The following PRKAR1B variants were observed in gnomAD, a reference collection of about 807,000 sequenced individuals.
PRKAR1B encodes the protein cAMP-dependent protein kinase type I-beta regulatory subunit.
Under a neutral mutation model 46.5 loss-of-function variants are expected in PRKAR1B, and 22 were observed. The observed-to-expected ratio is 0.47, with a 90% confidence interval of 0.34 to 0.68. PRKAR1B has a LOEUF of 0.68. PRKAR1B is among the 30% of genes least tolerant of loss of function. The pLI is 0.01. For synonymous variants in PRKAR1B, 259 were observed against 217.7 expected, an observed-to-expected ratio of 1.19 and a Z score of -1.67; for missense variants, 445 against 535.6, an observed-to-expected ratio of 0.83 and a Z score of 1.67.
intron 9 of PRKAR1B, among the ~76,000 whole-genome samples, chr7:561,545 G>A (rs940350911): frequency 2.0e-5 from 3 of 152,124 alleles, no homozygotes; most frequent in Admixed American, 6.5e-5. Context: ...GGAGGTGACC[G>A]AGCTGTCCCT....
In PRKAR1B at chr7:706,292, C is replaced by T. The variant is rs927906659; in HGVS notation, c.177+5037G>A. 4.6e-5 allele frequency among the ~76,000 whole-genome samples: 7 copies of T among 152,140 alleles called. No individual in the cohort carries two copies. The South Asian group carries it at 1.2e-3, about 27-fold the overall frequency. On this transcript the variant is annotated intron_variant, in intron 2 of 10. Coordinates refer to ENST00000537384, the MANE Select transcript of PRKAR1B (RefSeq NM_001164760.2). Reference sequence around the variant, plus strand: ...AGTGAGCTGAAATCATACCACTGTACTCTAGCCTGGACAACAGAGCCAGAC... The same window carrying T: ...AGTGAGCTGAAATCATACCACTGTATTCTAGCCTGGACAACAGAGCCAGAC...
chr7:604,940 C>G (rs1011510632), intron 6 of PRKAR1B, among the ~76,000 whole-genome samples: 1 of 152,138 alleles, frequency 6.6e-6, no homozygotes, highest in African/African-American at 2.4e-5. Context: ...GTGACCGTCT[C>G]GGGTAGCAGA....
chr7:681,791 T>G (rs761072678), intron 2 of PRKAR1B, among the ~76,000 whole-genome samples: 1 of 152,232 alleles, frequency 6.6e-6, no homozygotes, highest in Non-Finnish European at 1.5e-5. Flanking sequence ...CTAAACCTCA[T>G]GCATCCGGCA....
chr7:718,627 G>C (rs954498778), intron 1 of PRKAR1B, among the ~76,000 whole-genome samples: 2 of 151,958 alleles, frequency 1.3e-5, no homozygotes, highest in Non-Finnish European at 2.9e-5. Context: ...AAAGTGCTGG[G>C]ATTATAGACG....
At chr7:566,552 T>TCACCATCGCCTCCACCATCACTATCAC (rs1562523766) in intron 9 of PRKAR1B, among the ~76,000 whole-genome samples, 10 of 34,530 alleles carry the variant, frequency 2.9e-4, no homozygotes, top group East Asian at 1.7e-3. Context: ...ATCACCATCA[T>TCACCATCGCCTCCACCATCACTATCAC]TGTCATCACC....
chr7:606,376 A>C, intron 5 of PRKAR1B, 137 bp from the exon 6 acceptor site: 1 of 637,474 alleles, frequency 1.6e-6, no homozygotes, highest in Non-Finnish European at 2.7e-6. Flanking sequence ...ATTCTTTTTA[A>C]TGACAAGATT....
At chr7:614,154 T>G (rs548137502) in intron 4 of PRKAR1B, among the ~76,000 whole-genome samples, 68 of 152,360 alleles carry the variant, frequency 4.5e-4, no homozygotes, top group African/African-American at 1.6e-3. Flanking sequence ...GGCTGGGCAC[T>G]TCTTCGGACT....
chr7:683,816 A>G (rs1042555153), intron 2 of PRKAR1B, among the ~76,000 whole-genome samples: 5 of 152,170 alleles, frequency 3.3e-5, no homozygotes, highest in Non-Finnish European at 5.9e-5. Flanking sequence ...TTGCTCCCTC[A>G]GAAACAATCC....
rs1781096396 is a variant in PRKAR1B at position 593,413 on chromosome 7, C to A, written c.708+2733G>T. Among the ~76,000 whole-genome samples, 1 of 152,218 alleles carries A rather than the reference C, an allele frequency of 6.6e-6. No individual in the cohort carries two copies. Among genetic ancestry groups the A allele is most frequent in the Non-Finnish European group, 1.5e-5 (1 of 68,044 alleles). ...AATGCTCCCGTCCAAACCAGCCCGG[C>A]GCGGCCAGCTATTCTTAGCGCACAG... On this transcript the variant is annotated intron_variant, in intron 7 of 10. Transcript: ENST00000537384. This position sits in a 1 kb window ranked among gnomAD's most constrained non-coding sequence, Gnocchi z 6.1.
At position 602,059 on chromosome 7, in the gene PRKAR1B, G is replaced by A. The variant is rs1284998952; in HGVS notation, c.549+4134C>T. Among the ~76,000 whole-genome samples, 5 of 152,196 alleles carry A rather than the reference G, an allele frequency of 3.3e-5. No individual in the cohort carries two copies. Among genetic ancestry groups the A allele is most frequent in the Non-Finnish European group, 5.9e-5 (4 of 68,014 alleles). Reference sequence around the variant, plus strand: ...GCCTCCCAACGTCCCCGGGCCTGGCGAGAAGCCAGGCAGGACGCCACGACG... The same window carrying A: ...GCCTCCCAACGTCCCCGGGCCTGGCAAGAAGCCAGGCAGGACGCCACGACG... On this transcript the variant is annotated intron_variant, in intron 6 of 10. Coordinates refer to ENST00000537384, the MANE Select transcript of PRKAR1B (RefSeq NM_001164760.2). This position sits in a 1 kb window ranked among gnomAD's most constrained non-coding sequence, Gnocchi z 6.4.
intron 4 of PRKAR1B, among the ~76,000 whole-genome samples, chr7:611,070 G>A (rs906615389): frequency 1.3e-5 from 2 of 152,226 alleles, no homozygotes; most frequent in African/African-American, 4.8e-5. Context: ...GCCCCTATGA[G>A]GTCAGCACTG....
chr7:721,182 G>GATAT (rs1410632334), intron 1 of PRKAR1B, among the ~76,000 whole-genome samples: 4 of 152,154 alleles, frequency 2.6e-5, no homozygotes, highest in Non-Finnish European at 5.9e-5. Flanking sequence ...CCTAGCTGTA[G>GATAT]ATATTTCCTC....
At chr7:668,212 T>G (rs1232139096) in intron 4 of PRKAR1B, among the ~76,000 whole-genome samples, 1 of 152,190 alleles carries the variant, frequency 6.6e-6, no homozygotes, top group African/African-American at 2.4e-5. Flanking sequence ...AGCCTCAAAG[T>G]CAGGGGTGTG....
chr7:569,691 C>G (rs1779387591), intron 9 of PRKAR1B, among the ~76,000 whole-genome samples: 1 of 152,222 alleles, frequency 6.6e-6, no homozygotes, highest in East Asian at 1.9e-4. Flanking sequence ...CCTGCCCCAG[C>G]AGGGTCTGAG....
intron 9 of PRKAR1B, among the ~76,000 whole-genome samples, chr7:573,957 G>A (rs531753874): frequency 4.6e-5 from 7 of 152,356 alleles, no homozygotes; most frequent in African/African-American, 9.6e-5. Context: ...CGCGGTGTGC[G>A]TGGGGGGCTC....
At chr7:687,461 G>C (rs976931487) in intron 2 of PRKAR1B, among the ~76,000 whole-genome samples, 1 of 152,182 alleles carries the variant, frequency 6.6e-6, no homozygotes, top group Non-Finnish European at 1.5e-5. Context: ...AACAGCAGAT[G>C]AGAAACACAA....
intron 4 of PRKAR1B, among the ~76,000 whole-genome samples, chr7:625,598 T>C (rs112262618): frequency 0.083 from 12,560 of 150,514 alleles, 1,446 homozygotes; most frequent in African/African-American, 0.26. Flanking sequence ...CTACAGGTCC[T>C]ATGGACAAGG....
intron 4 of PRKAR1B, among the ~76,000 whole-genome samples, chr7:652,374 CCT>C (rs1784951491): frequency 6.7e-6 from 1 of 150,046 alleles, no homozygotes; most frequent in South Asian, 2.1e-4. Flanking sequence ...TGGGGAAACC[CCT>C]CTCGGAAGAC....
chr7:595,094 CT>C (rs1462913443), intron 7 of PRKAR1B, among the ~76,000 whole-genome samples: 2 of 152,214 alleles, frequency 1.3e-5, no homozygotes, highest in East Asian at 1.9e-4. Flanking sequence ...CCTGCAGAAG[CT>C]GCGGGTCCTC....
Sources: gnomAD v4.1 joint callset for allele counts (sites outside exome capture counted in the v4.1 genomes callset) on GRCh38, gnomAD v4.1.1 for gene constraint, Gnocchi (gnomAD v3.1) non-coding constraint, MANE v1.5 for transcripts, NCBI Gene and HGNC (gene_info 2026-07-23, HGNC 2026-07-21) for gene names.